KATNIP: variants seen among roughly 807,000 people sequenced by gnomAD.
KATNIP encodes the protein katanin interacting protein, also known as katanin-interacting protein.
A neutral mutation model predicts 174.0 loss-of-function variants in KATNIP; 126 were observed. That is an observed-to-expected ratio of 0.72 (90% CI 0.63 to 0.84). KATNIP has a LOEUF of 0.84. KATNIP is among the 40% of genes least tolerant of loss of function. KATNIP has a pLI of 0.00. For synonymous variants in KATNIP, 810 were observed against 835.7 expected (o/e 0.97, Z 0.53); for missense variants, 1,958 against 2,109.7 (o/e 0.93, Z 1.41).
chr16:27,697,721 G>T (rs1024244756), intron 8 of KATNIP, among the ~76,000 whole-genome samples: 2 of 150,850 alleles, frequency 1.3e-5, no homozygotes, highest in African/African-American at 2.4e-5. Flanking sequence ...TCGATAGAGG[G>T]TGTGTGTGTG....
At chr16:27,724,311 G>A (rs1338494502) in intron 14 of KATNIP, among the ~76,000 whole-genome samples, 3 of 152,202 alleles carry the variant, frequency 2.0e-5, no homozygotes, top group Non-Finnish European at 4.4e-5. Flanking sequence ...ATGGAACAAT[G>A]CCAGCAGCCC....
chr16:27,763,186 A>G (rs989297135), intron 19 of KATNIP, among the ~76,000 whole-genome samples: 1 of 151,558 alleles, frequency 6.6e-6, no homozygotes, highest in Non-Finnish European at 1.5e-5. Flanking sequence ...ACTGTGGCAC[A>G]TGTCTGTGGT....
chr16:27,632,335 T>G (rs2076515273), intron 5 of KATNIP: 1 of 184,512 alleles, frequency 5.4e-6, no homozygotes, highest in Admixed American at 5.7e-5. Context: ...ACTTTGAAGT[T>G]CAGAGGGATA....
intron 13 of KATNIP, among the ~76,000 whole-genome samples, chr16:27,715,824 C>T (rs1295661065): frequency 6.6e-6 from 1 of 152,064 alleles, no homozygotes; most frequent in Non-Finnish European, 1.5e-5. Context: ...GAAATTGGAA[C>T]CTTCATTCTT....
At chr16:27,743,566 G>A (rs1177610486) in intron 15 of KATNIP, among the ~76,000 whole-genome samples, 1 of 152,170 alleles carries the variant, frequency 6.6e-6, no homozygotes, top group Non-Finnish European at 1.5e-5. Flanking sequence ...CCTGGCTCAT[G>A]GCAGGTCCTC....
At chr16:27,676,037 T>C (rs191192760) in intron 6 of KATNIP, among the ~76,000 whole-genome samples, 2 of 152,348 alleles carry the variant, frequency 1.3e-5, no homozygotes, top group East Asian at 3.9e-4. Flanking sequence ...CTCCTAATTT[T>C]AGAATCTTCT....
Position 27,567,680 on chromosome 16 carries a change from C to T in KATNIP, c.8-6221C>T, listed in dbSNP as rs149884468. 1.4e-3 allele frequency among the ~76,000 whole-genome samples: 215 copies of T among 152,314 alleles called. 1 individual carries two copies. Among genetic ancestry groups the T allele is most frequent in the East Asian group, 6.0e-3 (31 of 5,174 alleles). On this transcript the variant is annotated intron_variant, in intron 1 of 27. Transcript: ENST00000261588. The stretch of plus-strand genomic sequence containing the variant: ...CTGGCATTACAGGCACCTGCCACCA[C>T]GCCTGGGTAATTTTTGTATTTTTAG...
rs10708223 is a variant in KATNIP, at chr16:27,574,558, CTTTTTTTT to C, written c.63+620_63+627del. Among the ~76,000 whole-genome samples, 38 of 53,518 alleles carry C rather than the reference CTTTTTTTT, an allele frequency of 7.1e-4. 1 individual carries two copies. In the East Asian group the frequency reaches 0.022, roughly 31 times the overall value. 35.1% of individuals were successfully genotyped at this position (53,518 alleles called of 152,430 possible). ...AGTGTCACTTCTACCACTTTCTATT[CTTTTTTTT>C]TTTTTTTTTTTTTTTTTGAGTCGAG... On this transcript the variant is annotated intron_variant, in intron 2 of 27. Transcript: ENST00000261588.
intron 2 of KATNIP, among the ~76,000 whole-genome samples, chr16:27,603,737 CTTTTT>C (rs35121026): frequency 1.5e-5 from 2 of 131,044 alleles, no homozygotes; most frequent in Non-Finnish European, 1.6e-5. Flanking sequence ...TTCCCACTTC[CTTTTT>C]TTTTTTTTTT....
chr16:27,687,204 C>T (rs956029561), intron 8 of KATNIP: 2 of 152,168 alleles, frequency 1.3e-5, no homozygotes, highest in South Asian at 2.1e-4. Flanking sequence ...GCCTCCAAGA[C>T]GTTGGGTCTA....
chr16:27,570,158 G>A (rs2090235081), intron 1 of KATNIP, among the ~76,000 whole-genome samples: 2 of 152,164 alleles, frequency 1.3e-5, no homozygotes, highest in Admixed American at 1.3e-4. Context: ...TAAGAGTGAG[G>A]TCTGGTAATA....
Position 27,677,841 on chromosome 16 carries a change from A to T in KATNIP, c.653A>T (p.Glu218Val). 1 of 1,614,244 alleles carries T rather than the reference A, an allele frequency of 6.2e-7. No homozygotes were observed. Among genetic ancestry groups the T allele is most frequent in the Non-Finnish European group, 8.5e-7 (1 of 1,180,048 alleles). Residue 218 changes from glutamate to valine, a missense_variant, in exon 7 of 28, where the codon GAG becomes GTG. This residue lies in a region of KATNIP where 1,557 missense variants were observed against 1,617.8 expected (regional missense o/e 0.96). Transcript: ENST00000261588. The part of the protein sequence containing the change: ...EEDILSEPEP[E>V]DPALVGHPRH... Reference sequence around the variant, plus strand: ...GACATACTCTCTGAGCCTGAGCCAGAGGACCCGGCACTGGTGGGCCATCCC... The same window carrying T: ...GACATACTCTCTGAGCCTGAGCCAGTGGACCCGGCACTGGTGGGCCATCCC...
At chr16:27,661,624 C>T (rs986084401) in intron 6 of KATNIP, among the ~76,000 whole-genome samples, 5 of 151,774 alleles carry the variant, frequency 3.3e-5, no homozygotes, top group African/African-American at 1.2e-4. Flanking sequence ...AACTCCTGAC[C>T]TCAGGTGATC....
intron 14 of KATNIP, among the ~76,000 whole-genome samples, chr16:27,724,564 G>A (rs1462060651): frequency 6.6e-6 from 1 of 152,182 alleles, no homozygotes; most frequent in Admixed American, 6.5e-5. Context: ...GCTGTTGGCT[G>A]CAGGGATTTG....
intron 2 of KATNIP, among the ~76,000 whole-genome samples, chr16:27,591,237 T>G (rs1428725410): frequency 2.0e-5 from 3 of 150,404 alleles, no homozygotes; most frequent in Admixed American, 6.7e-5. Context: ...CAGGCTGGAG[T>G]GCAGTGGTGC....
intron 14 of KATNIP, chr16:27,727,849 A>G (rs2080509988): frequency 6.6e-6 from 1 of 152,284 alleles, no homozygotes; most frequent in Non-Finnish European, 1.5e-5. Context: ...TTTCACTCAT[A>G]AATCCTTCAG....
intron 15 of KATNIP, among the ~76,000 whole-genome samples, chr16:27,743,338 G>A (rs2081174498): frequency 6.6e-6 from 1 of 152,056 alleles, no homozygotes; most frequent in African/African-American, 2.4e-5. Context: ...CTGTATTAGG[G>A]AGTGTCTAGC....
chr16:27,592,149 G>A (rs1211282951), intron 2 of KATNIP, among the ~76,000 whole-genome samples: 1 of 151,682 alleles, frequency 6.6e-6, no homozygotes, highest in African/African-American at 2.4e-5. Context: ...TGGGCATGAT[G>A]ATTAATTTGT....
chr16:27,758,846 A>C (rs2081838660), intron 18 of KATNIP, among the ~76,000 whole-genome samples: 1 of 151,982 alleles, frequency 6.6e-6, no homozygotes, highest in Admixed American at 6.5e-5. Context: ...CACTCTTGGA[A>C]CTGTTGCCTT....
Sources: gnomAD v4.1 joint callset for allele counts (sites outside exome capture counted in the v4.1 genomes callset) on GRCh38, gnomAD v4.1.1 for gene constraint, gnomAD v4.1.1 regional missense constraint, MANE v1.5 for transcripts, NCBI Gene and HGNC (gene_info 2026-07-23, HGNC 2026-07-21) for gene names.